KMT2A: variants seen among roughly 807,000 people sequenced by gnomAD.
The protein encoded by KMT2A is lysine methyltransferase 2A.
Under a neutral mutation model 345.3 loss-of-function variants are expected in KMT2A, and 16 were observed. The observed-to-expected ratio is 0.05, with a 90% CI of 0.03 to 0.07. The LOEUF is 0.07. Among genes scored for constraint, KMT2A ranks in the 10% least tolerant of loss-of-function variants. The pLI, the probability that KMT2A is intolerant of heterozygous loss-of-function variation, is 1.00. For synonymous variants in KMT2A, 1,599 were observed against 1,778.6 expected (o/e 0.90, Z 2.54); for missense variants, 3,272 against 4,841.6 (o/e 0.68, Z 9.62).
chr11:118,470,080 T>C (rs1408635649), intron 2 of KMT2A, among the ~76,000 whole-genome samples: 1 of 152,216 alleles, frequency 6.6e-6, no homozygotes, highest in Non-Finnish European at 1.5e-5. Context: ...ATAACCAGTT[T>C]GAGAGTTCTT....
chr11:118,494,575 TC>T lies in KMT2A; in HGVS notation c.5290-118del, dbSNP rs1298437204. The T allele has an allele frequency of 9.3e-6, 9 of 970,022 alleles. No homozygotes were observed. The African/African-American group carries it at 1.5e-4, about 16-fold the overall frequency. The allele number at this position is 970,022 out of a possible 1,614,324, so 60.1% of individuals were successfully genotyped here. On this transcript the variant is annotated intron_variant, in intron 17 of 35. Coordinates refer to ENST00000534358, the MANE Select transcript of KMT2A (RefSeq NM_001197104.2). The surrounding 1 kb of genome is among the most constrained non-coding windows in gnomAD (Gnocchi z 5.8). ...TGGTGAGGTTGCCAGAGTGGATGGA[TC>T]TTTCTCTTGGTGGCCTGAAATTATC...
chr11:118,495,888 T>G lies in KMT2A; in HGVS notation c.5552T>G (p.Ile1851Ser), dbSNP rs1555043850. 1.2e-6 allele frequency: 2 copies of G among 1,601,080 alleles called. No individual in the cohort carries two copies. The highest frequency in any genetic ancestry group is 1.7e-5 in the Admixed American group (1 of 57,698). Reference sequence around the variant, plus strand: ...CCTCTGCATCCTCCTACACCACCAATTTTGAGTAAGCCACCAAAAGGAGAG... The same window carrying G: ...CCTCTGCATCCTCCTACACCACCAAGTTTGAGTAAGCCACCAAAAGGAGAG... ...PTPLHPPTPP[I>S]LSTDRSREDS... The change falls in exon 19 of 36, where the codon ATT becomes AGT. Residue 1851 changes from isoleucine (I) to serine (S), a missense_variant. Ile to Ser is a moderately radical substitution (Grantham distance 142). Around this residue, in one of 27 missense-constraint regions of KMT2A, gnomAD observed 235 missense variants for 503.4 expected, o/e 0.47. Coordinates refer to ENST00000534358, the MANE Select transcript of KMT2A (RefSeq NM_001197104.2). The surrounding 1 kb of genome is among the most constrained non-coding windows in gnomAD (Gnocchi z 4.1).
intron 31 of KMT2A, among the ~76,000 whole-genome samples, chr11:118,513,532 AC>A (rs1340917283): frequency 1.3e-5 from 2 of 151,916 alleles, no homozygotes; most frequent in African/African-American, 2.4e-5. Context: ...CTATTATAAC[AC>A]CCTGTGTATT....
chr11:118,499,937 A>G (rs1555045190), intron 24 of KMT2A, 24 bp downstream of exon 24: 1 of 1,515,568 alleles, frequency 6.6e-7, no homozygotes, highest in South Asian at 1.1e-5. Context: ...TAAAGAGAAG[A>G]GAGCAGCCCC....
At chr11:118,454,656 A>G (rs1184670637) in intron 1 of KMT2A, among the ~76,000 whole-genome samples, 1 of 152,228 alleles carries the variant, frequency 6.6e-6, no homozygotes, top group Non-Finnish European at 1.5e-5. Context: ...TACGTTTAAT[A>G]CACTTACAAG....
chr11:118,492,971 T>G, intron 15 of KMT2A, 86 bp from the exon 16 acceptor site: 1 of 1,012,222 alleles, frequency 9.9e-7, no homozygotes, highest in South Asian at 1.6e-5. Flanking sequence ...AATCATTCAG[T>G]ACCATCTTTA....
intron 2 of KMT2A, among the ~76,000 whole-genome samples, chr11:118,470,415 T>G (rs1949923602): frequency 6.6e-6 from 1 of 152,218 alleles, no homozygotes; most frequent in Non-Finnish European, 1.5e-5. Context: ...CTTAAGTTTT[T>G]TTTCATGACT....
intron 27 of KMT2A, among the ~76,000 whole-genome samples, chr11:118,507,192 G>A (rs4938511): frequency 9.7e-4 from 148 of 152,292 alleles, no homozygotes; most frequent in Non-Finnish European, 2.0e-3. Context: ...CAGCTATTCA[G>A]GAGGCTGAGG....
At chr11:118,445,296 A>T (rs147982461) in intron 1 of KMT2A, among the ~76,000 whole-genome samples, 60 of 152,362 alleles carry the variant, frequency 3.9e-4, no homozygotes, top group African/African-American at 1.4e-3. Context: ...AAAGAGAACA[A>T]GATGGTAAAT....
In KMT2A at chr11:118,503,062, A is replaced by G. The variant is rs557972584; in HGVS notation, c.7170A>G (p.Gln2390=). The G allele has an allele frequency of 1.9e-6, 3 of 1,613,054 alleles. No homozygotes were observed. The highest frequency in any genetic ancestry group is 2.2e-5 in the South Asian group (2 of 91,066). Residue 2390 remains glutamine (Q), a synonymous_variant, in exon 27 of 36, where the codon CAA becomes CAG. Coordinates refer to ENST00000534358, the MANE Select transcript of KMT2A (RefSeq NM_001197104.2). This position sits in a 1 kb window ranked among gnomAD's most constrained non-coding sequence, Gnocchi z 5.3. ...GAGACCAACACACAGATTCTACCCA[A>G]TCAGCAAACTCCTCTCCAGATGAAG... ...NDRDQHTDST[Q]SANSSPDEDT...
chr11:118,509,664 A>G (rs1950648480), intron 29 of KMT2A, among the ~76,000 whole-genome samples: 2 of 152,200 alleles, frequency 1.3e-5, no homozygotes, highest in African/African-American at 4.8e-5. Flanking sequence ...GTATAACTCT[A>G]TTGAGGACAG....
intron 1 of KMT2A, among the ~76,000 whole-genome samples, chr11:118,453,139 T>A (rs1224410497): frequency 6.6e-6 from 1 of 152,190 alleles, no homozygotes; most frequent in Non-Finnish European, 1.5e-5. Flanking sequence ...CACGTCCACC[T>A]CTAGCTGCTA....
chr11:118,518,976 G>T (rs1267819015), intron 31 of KMT2A, among the ~76,000 whole-genome samples: 1 of 143,446 alleles, frequency 7.0e-6, no homozygotes, highest in East Asian at 2.0e-4. Context: ...TACTCGGGAG[G>T]CTGAGGTAGG....
At position 118,523,256 on chromosome 11, in the gene KMT2A, T is replaced by C. The variant is rs1951010984; in HGVS notation, c.*1084T>C. 1 of 228,836 alleles carries C rather than the reference T, an allele frequency of 4.4e-6. No individual in the cohort carries two copies. The highest frequency in any genetic ancestry group is 8.7e-6 in the Non-Finnish European group (1 of 115,096). 14.2% of individuals were successfully genotyped at this position (228,836 alleles called of 1,614,324 possible). On this transcript the variant is annotated 3_prime_UTR_variant, in exon 36 of 36. Coordinates refer to ENST00000534358, the MANE Select transcript of KMT2A (RefSeq NM_001197104.2). ...AGACATGGTTACTTTATTTTCCCCTTGTTAAGACATAGGAAGACTTAATTT... is the reference window on the plus strand; with the variant it reads ...AGACATGGTTACTTTATTTTCCCCTCGTTAAGACATAGGAAGACTTAATTT...
intron 1 of KMT2A, among the ~76,000 whole-genome samples, chr11:118,452,884 G>C (rs910767595): frequency 6.6e-6 from 1 of 150,852 alleles, no homozygotes; most frequent in African/African-American, 2.4e-5. Flanking sequence ...TGCCCACCTC[G>C]GCCTCCCAAA....
intron 1 of KMT2A, among the ~76,000 whole-genome samples, chr11:118,452,640 TG>T: frequency 6.6e-6 from 1 of 150,622 alleles, no homozygotes; most frequent in Non-Finnish European, 1.5e-5. Flanking sequence ...TTTTCTTTCT[TG>T]TTTTTTTTTT....
chr11:118,459,312 C>T (rs1018266983), intron 1 of KMT2A, among the ~76,000 whole-genome samples: 1 of 152,172 alleles, frequency 6.6e-6, no homozygotes, highest in African/African-American at 2.4e-5. Context: ...AGTGATCCAT[C>T]CATCTCAGCC....
rs1191438889 is a variant in KMT2A at position 118,525,637 on chromosome 11, C to T, written c.*3465C>T. ...AAAAAAAAAGGAAAAAAAAATACAA[C>T]ACACACACAAAAATAAAAAAAATAT... On this transcript the variant is annotated 3_prime_UTR_variant, in exon 36 of 36. Coordinates refer to ENST00000534358, the MANE Select transcript of KMT2A (RefSeq NM_001197104.2). 4.4e-6 allele frequency: 1 copy of T among 226,192 alleles called. No homozygotes were observed. Among genetic ancestry groups the T allele is most frequent in the Non-Finnish European group, 8.8e-6 (1 of 114,266 alleles). 14.0% of individuals were successfully genotyped at this position (226,192 alleles called of 1,614,324 possible).
rs1159164302 is a variant in KMT2A, at chr11:118,504,733, G to A, written c.8841G>A (p.Gln2947=). 2.5e-6 allele frequency: 4 copies of A among 1,614,022 alleles called. No individual in the cohort carries two copies. Among genetic ancestry groups the A allele is most frequent in the Non-Finnish European group, 3.4e-6 (4 of 1,180,046 alleles). The change falls in exon 27 of 36, where the codon CAG becomes CAA. Residue 2947 remains glutamine (Q), a synonymous_variant. Coordinates refer to ENST00000534358, the MANE Select transcript of KMT2A (RefSeq NM_001197104.2). This position sits in a 1 kb window ranked among gnomAD's most constrained non-coding sequence, Gnocchi z 6.4. ...CCCGGAGTCCCACTGTCCCCAGCCAGAATCCCAGTAGACTAGCTGTTATCT... is the reference window on the plus strand; with the variant it reads ...CCCGGAGTCCCACTGTCCCCAGCCAAAATCCCAGTAGACTAGCTGTTATCT... ...LTTRSPTVPS[Q]NPSRLAVISD... is the part of the protein sequence containing the mutation.
Sources: allele counts gnomAD v4.1 joint callset (sites outside exome capture counted in the v4.1 genomes callset), GRCh38; gene constraint gnomAD v4.1.1; regional missense constraint gnomAD v4.1.1; non-coding constraint Gnocchi (gnomAD v3.1); transcripts MANE v1.5; gene names NCBI Gene and HGNC (gene_info 2026-07-23, HGNC 2026-07-21).